The following NOS1AP variants were observed in gnomAD, a reference collection of about 807,000 sequenced individuals.
The protein encoded by NOS1AP is carboxyl-terminal PDZ ligand of neuronal nitric oxide synthase protein.
In NOS1AP, 21 loss-of-function variants were observed where a neutral mutation model predicts 56.2. The observed-to-expected ratio is 0.37, with a 90% CI of 0.26 to 0.54. The LOEUF (loss-of-function observed/expected upper bound fraction) is 0.54. Ranked by LOEUF, NOS1AP falls within the 20% of genes least tolerant of loss-of-function variation. The pLI, the probability that NOS1AP is intolerant of heterozygous loss-of-function variation, is 0.84. For synonymous variants in NOS1AP, 270 were observed against 274.6 expected, an observed-to-expected ratio of 0.98 and a Z score of 0.17; for missense variants, 522 against 657.8, an observed-to-expected ratio of 0.79 and a Z score of 2.26.
chr1:162,335,732 G>A (rs111380563), intron 5 of NOS1AP, among the ~76,000 whole-genome samples: 2,237 of 152,248 alleles, frequency 0.015, 54 homozygotes, highest in African/African-American at 0.051. Flanking sequence ...GATCCTTTTT[G>A]TGTTGGGACT....
At chr1:162,096,263 A>G (rs762503619) in intron 1 of NOS1AP, among the ~76,000 whole-genome samples, 3 of 152,194 alleles carry the variant, frequency 2.0e-5, no homozygotes, top group Admixed American at 6.5e-5. Context: ...GAGAGCTCCA[A>G]TGATGGGGAA....
chr1:162,137,229 C>T (rs1416873341), intron 1 of NOS1AP, among the ~76,000 whole-genome samples: 2 of 152,184 alleles, frequency 1.3e-5, no homozygotes, highest in Non-Finnish European at 2.9e-5. Flanking sequence ...ATTTTCTTTC[C>T]ATCTATCTCT....
intron 1 of NOS1AP, among the ~76,000 whole-genome samples, chr1:162,141,248 G>A (rs1047212657): frequency 6.6e-6 from 1 of 152,252 alleles, no homozygotes; most frequent in Non-Finnish European, 1.5e-5. Flanking sequence ...CTGAGGTGCT[G>A]GGAGGTTGAC....
chr1:162,109,218 C>T (rs1647622985), intron 1 of NOS1AP, among the ~76,000 whole-genome samples: 1 of 152,148 alleles, frequency 6.6e-6, no homozygotes, highest in African/African-American at 2.4e-5. Context: ...GGTGGGAGCA[C>T]ACCCAAACCA....
chr1:162,237,800 T>A (rs1351252028), intron 2 of NOS1AP, among the ~76,000 whole-genome samples: 1 of 152,178 alleles, frequency 6.6e-6, no homozygotes, highest in Admixed American at 6.5e-5. Context: ...TTTGAAAAAG[T>A]CGTGTGCTCT....
intron 1 of NOS1AP, among the ~76,000 whole-genome samples, chr1:162,093,963 G>C (rs1263696168): frequency 2.0e-5 from 3 of 152,166 alleles, no homozygotes; most frequent in Non-Finnish European, 4.4e-5. Flanking sequence ...TAATGATTTT[G>C]ACCAAGAAGA....
chr1:162,348,630 C>A (rs1293000589), intron 6 of NOS1AP, among the ~76,000 whole-genome samples: 1 of 152,126 alleles, frequency 6.6e-6, no homozygotes, highest in Non-Finnish European at 1.5e-5. Context: ...GCCCATCAGG[C>A]CCAGGATAGT....
chr1:162,254,893 G>C (rs555498687), intron 2 of NOS1AP, among the ~76,000 whole-genome samples: 1 of 152,176 alleles, frequency 6.6e-6, no homozygotes, highest in Admixed American at 6.5e-5. Context: ...CACACAGCTG[G>C]TAGATTCCTT....
chr1:162,199,859 TG>T (rs1163341422), intron 2 of NOS1AP, among the ~76,000 whole-genome samples: 4 of 152,218 alleles, frequency 2.6e-5, no homozygotes, highest in African/African-American at 9.7e-5. Context: ...AATTAGAAAC[TG>T]GGAATTCCGT....
At chr1:162,165,898 G>C (rs1345292146) in intron 2 of NOS1AP, among the ~76,000 whole-genome samples, 1 of 152,132 alleles carries the variant, frequency 6.6e-6, no homozygotes, top group Non-Finnish European at 1.5e-5. Flanking sequence ...AATTCAATAT[G>C]TCAAAAAACT....
At chr1:162,191,172 G>A (rs912471435) in intron 2 of NOS1AP, among the ~76,000 whole-genome samples, 3 of 152,082 alleles carry the variant, frequency 2.0e-5, no homozygotes, top group Non-Finnish European at 4.4e-5. Context: ...CTCTTCTGTT[G>A]GCCTCACTTT....
chr1:162,176,505 C>CTTTTTTTTTTTTTTT, intron 2 of NOS1AP, among the ~76,000 whole-genome samples: 1 of 87,470 alleles, frequency 1.1e-5, no homozygotes, highest in Non-Finnish European at 2.0e-5. Flanking sequence ...CATAATAGCT[C>CTTTTTTTTTTTTTTT]TTTTTTTTTT....
chr1:162,350,884 A>G (rs1217977625), intron 6 of NOS1AP, among the ~76,000 whole-genome samples: 1 of 152,174 alleles, frequency 6.6e-6, no homozygotes, highest in Non-Finnish European at 1.5e-5. Flanking sequence ...AGCATCCTTA[A>G]TCTGAAAATC....
chr1:162,185,250 C>A (rs539797355), intron 2 of NOS1AP, among the ~76,000 whole-genome samples: 1 of 152,328 alleles, frequency 6.6e-6, no homozygotes, highest in South Asian at 2.1e-4. Flanking sequence ...TTAATCACAC[C>A]TGCCAAGTAC....
intron 1 of NOS1AP, among the ~76,000 whole-genome samples, chr1:162,082,382 T>C (rs1282112533): frequency 6.6e-6 from 1 of 152,252 alleles, no homozygotes; most frequent in African/African-American, 2.4e-5. Flanking sequence ...CTGTTGTGAA[T>C]AATGCTGCAA....
chr1:162,341,344 G>C (rs149113783), intron 5 of NOS1AP, among the ~76,000 whole-genome samples: 121 of 152,262 alleles, frequency 7.9e-4, no homozygotes, highest in African/African-American at 2.7e-3. Context: ...AGGGGGAACT[G>C]TATTTTAATC....
chr1:162,226,613 A>G (rs1322165443), intron 2 of NOS1AP, among the ~76,000 whole-genome samples: 1 of 152,220 alleles, frequency 6.6e-6, no homozygotes, highest in Non-Finnish European at 1.5e-5. Flanking sequence ...ATTTGGGGGC[A>G]TCAGGAAGGC....
At chr1:162,221,958 A>T (rs1652797741) in intron 2 of NOS1AP, among the ~76,000 whole-genome samples, 1 of 152,206 alleles carries the variant, frequency 6.6e-6, no homozygotes. Context: ...ATTAAATTAT[A>T]ATTTATTTAA....
At chr1:162,088,019 T>A (rs1292840202) in intron 1 of NOS1AP, among the ~76,000 whole-genome samples, 1 of 152,078 alleles carries the variant, frequency 6.6e-6, no homozygotes, top group East Asian at 1.9e-4. Context: ...TTTACCCTAT[T>A]GCAGCCAAAA....
Sources: gnomAD v4.1 joint callset for allele counts (sites outside exome capture counted in the v4.1 genomes callset) on GRCh38, gnomAD v4.1.1 for gene constraint, MANE v1.5 for transcripts, NCBI Gene and HGNC (gene_info 2026-07-23, HGNC 2026-07-21) for gene names.